CRYGB: variants seen among roughly 807,000 people sequenced by gnomAD.
The protein encoded by CRYGB is gamma-crystallin B.
Under a neutral mutation model 21.3 loss-of-function variants are expected in CRYGB, and 19 were observed. The ratio of observed to expected loss-of-function variants is 0.89; its 90% confidence interval spans 0.62 to 1.31. The LOEUF (loss-of-function observed/expected upper bound fraction) is 1.31, where lower values mean the gene tolerates loss of function less well. Among genes scored for constraint, CRYGB ranks in the 50% most tolerant of loss-of-function variants. The pLI, the probability that CRYGB is intolerant of heterozygous loss-of-function variation, is 0.00. For missense variants in CRYGB, 254 were observed against 228.4 expected, an observed-to-expected ratio of 1.11 and a Z score of -0.72; for synonymous variants, 81 against 81.2, an observed-to-expected ratio of 1.00 and a Z score of 0.01.
chr2:208,143,532 C>T (rs1400570035), intron 2 of CRYGB, among the ~76,000 whole-genome samples: 6 of 52,896 alleles, frequency 1.1e-4, no homozygotes, highest in Admixed American at 4.4e-4. Context: ...GACAGAGTTT[C>T]GCTGTTGTTG....
chr2:208,145,231 T>C (rs565174684), intron 2 of CRYGB, among the ~76,000 whole-genome samples: 1 of 80,888 alleles, frequency 1.2e-5, no homozygotes, highest in South Asian at 4.4e-4. Flanking sequence ...AAGTTTGTTG[T>C]TGTTGTTGTT....
rs781349310 is a variant in CRYGB, at chr2:208,146,098, T to C, written c.9+14A>G. ...ATTAGGGCCAAGGCTGAGCATCCGG[T>C]ACCCAGGACTTACCTTTCCCATTTT... On this transcript the variant is annotated intron_variant, in intron 1 of 2. Transcript: ENST00000260988. 9 of 1,614,096 alleles carry C rather than the reference T, an allele frequency of 5.6e-6. No homozygotes were observed. Among genetic ancestry groups the C allele is most frequent in the East Asian group, 2.2e-5 (1 of 44,904 alleles).
At chr2:208,145,707 A>AAAAAGAAT (rs1695449686) in intron 2 of CRYGB, 67 bp downstream of exon 2, 10 of 1,516,850 alleles carry the variant, frequency 6.6e-6, no homozygotes, top group Non-Finnish European at 8.8e-6. Flanking sequence ...AAAAAAAAAA[A>AAAAAGAAT]AAAAGAATAT....
chr2:208,145,688 CAAAAAA>C (rs554918356), intron 2 of CRYGB, 80 bp downstream of exon 2: 454 of 1,282,396 alleles, frequency 3.5e-4, no homozygotes, highest in East Asian at 7.2e-4. Flanking sequence ...GACTCCGCCT[CAAAAAA>C]AAAAAAAAAA....
chr2:208,146,082 A>G (rs758821979), intron 1 of CRYGB, 30 bp downstream of exon 1: 1 of 1,614,232 alleles, frequency 6.2e-7, no homozygotes, highest in Non-Finnish European at 8.5e-7. Context: ...CATTAGGGCC[A>G]AGGCTGAGCA....
intron 2 of CRYGB, among the ~76,000 whole-genome samples, chr2:208,145,077 A>G (rs1695432222): frequency 6.6e-6 from 1 of 152,172 alleles, no homozygotes; most frequent in Non-Finnish European, 1.5e-5. Flanking sequence ...CTCAAACTTT[A>G]GTTTCAGATT....
rs370785666 is a variant in CRYGB at position 208,145,889 on chromosome 2, T to C, written c.137A>G (p.Tyr46Cys). The change falls in exon 2 of 3, where the codon TAT (tyrosine) becomes TGT (cysteine). Residue 46 changes from tyrosine to cysteine, a missense_variant. Physicochemically the swap from Tyr to Cys is radical, Grantham distance 194. Coordinates refer to ENST00000260988, the MANE Select transcript of CRYGB (RefSeq NM_005210.4). ...IRVESGCWMI[Y>C]ERPNYQGHQY... ...GTGGCCCTGGTAGTTGGGGCGCTCATAGATCATCCAGCAGCCGCTCTCCAC... is the reference window on the plus strand; with the variant it reads ...GTGGCCCTGGTAGTTGGGGCGCTCACAGATCATCCAGCAGCCGCTCTCCAC... 47 of 1,614,024 alleles carry C rather than the reference T, an allele frequency of 2.9e-5. No individual in the cohort carries two copies. In the African/African-American group the frequency reaches 5.6e-4, roughly 19 times the overall value.
At chr2:208,145,716 A>G (rs1574338754) in intron 2 of CRYGB, 58 bp downstream of exon 2, 2 of 1,514,798 alleles carry the variant, frequency 1.3e-6, no homozygotes, top group African/African-American at 1.4e-5. Flanking sequence ...AAAAAAGAAT[A>G]TCATGAAATA....
rs200378287 is a variant in CRYGB, at chr2:208,142,694, A to G, written c.472T>C (p.Trp158Arg). 1 of 1,598,762 alleles carries G rather than the reference A, an allele frequency of 6.3e-7. No individual in the cohort carries two copies. Among genetic ancestry groups the G allele is most frequent in the East Asian group, 2.2e-5 (1 of 44,674 alleles). ...RPGEYRRFLD[W>R]GAPNAKVGSL... is the part of the protein sequence containing the mutation. ...CCAACTTTGGCATTTGGAGCCCCCC[A>G]ATCAAGAAACCTCCTGTACTCCCCC... Residue 158 changes from tryptophan (W) to arginine (R), a missense_variant, in exon 3 of 3, where the codon TGG becomes CGG. By Grantham distance (101) the Trp-to-Arg change is moderately radical (BLOSUM62 -3). Transcript: ENST00000260988.
chr2:208,142,837 C>A lies in CRYGB; in HGVS notation c.329G>T (p.Cys110Phe). The part of the protein sequence containing the change: ...RGQMSELTDD[C>F]ISVQDRFHLT... ...GTGGAAGCGGTCCTGAACAGAGATACAGTCGTCTGTGAGCTCTGACATTTG... is the reference window on the plus strand; with the variant it reads ...GTGGAAGCGGTCCTGAACAGAGATAAAGTCGTCTGTGAGCTCTGACATTTG... The change falls in exon 3 of 3, where the codon TGT (cysteine) becomes TTT (phenylalanine). Residue 110 changes from cysteine to phenylalanine, a missense_variant. By Grantham distance (205) the Cys-to-Phe change is radical. Coordinates refer to ENST00000260988, the MANE Select transcript of CRYGB (RefSeq NM_005210.4). 1 of 1,614,176 alleles carries A rather than the reference C, an allele frequency of 6.2e-7. No individual in the cohort carries two copies.
intron 1 of CRYGB, 37 bp downstream of exon 1, chr2:208,146,075 T>C: frequency 1.9e-6 from 3 of 1,614,156 alleles, no homozygotes; most frequent in Non-Finnish European, 2.5e-6. Context: ...GCCACTGCAT[T>C]AGGGCCAAGG....
chr2:208,144,787 C>T (rs796174879), intron 2 of CRYGB, among the ~76,000 whole-genome samples: 5 of 152,032 alleles, frequency 3.3e-5, no homozygotes, highest in South Asian at 2.1e-4. Flanking sequence ...GAGGGGGTTT[C>T]ACCATATTGG....
At chr2:208,145,698 A>G in intron 2 of CRYGB, 76 bp downstream of exon 2, 1 of 1,471,112 alleles carries the variant, frequency 6.8e-7, no homozygotes, top group Middle Eastern at 2.5e-4. Context: ...CAAAAAAAAA[A>G]AAAAAAAAAA....
At chr2:208,146,078 G>A in intron 1 of CRYGB, 34 bp downstream of exon 1, 1 of 1,614,186 alleles carries the variant, frequency 6.2e-7, no homozygotes. Context: ...ACTGCATTAG[G>A]GCCAAGGCTG....
chr2:208,145,582 A>T (rs1435837592), intron 2 of CRYGB, among the ~76,000 whole-genome samples, 192 bp downstream of exon 2: 2 of 150,142 alleles, frequency 1.3e-5, no homozygotes, highest in East Asian at 4.0e-4. Flanking sequence ...CCAACTACTC[A>T]GGAGGCTGAG....
intron 2 of CRYGB, among the ~76,000 whole-genome samples, chr2:208,144,147 A>T (rs1695411092): frequency 6.6e-6 from 1 of 151,422 alleles, no homozygotes; most frequent in African/African-American, 2.4e-5. Context: ...CAGCCTCCCA[A>T]GTAGCTGGGA....
At chr2:208,145,613 C>G (rs1289733641) in intron 2 of CRYGB, among the ~76,000 whole-genome samples, 161 bp downstream of exon 2, 1 of 143,166 alleles carries the variant, frequency 7.0e-6, no homozygotes, top group Non-Finnish European at 1.5e-5. Flanking sequence ...TGCTTGAACC[C>G]GGGAGGCGGA....
In CRYGB at chr2:208,142,899, G is replaced by A. The variant is rs1695381179; in HGVS notation, c.267C>T (p.Tyr89=). 2 of 1,605,370 alleles carry A rather than the reference G, an allele frequency of 1.2e-6. No individual in the cohort carries two copies. The highest frequency in any genetic ancestry group is 1.1e-5 in the South Asian group (1 of 89,506). ...CCLIPPHSGA[Y]RMKIYDRDEL... ...CATCTCTGTCGTAGATCTTCATTCT[G>A]TAAGCGCCAGAGTGCTGGAGTGGCA... The change falls in exon 3 of 3, where the codon TAC becomes TAT. Residue 89 remains tyrosine, a synonymous_variant. Transcript: ENST00000260988.
Position 208,142,600 on chromosome 2 carries a change from T to G in CRYGB, c.*38A>C. 6.9e-7 allele frequency: 1 copy of G among 1,449,812 alleles called. No individual in the cohort carries two copies. Among genetic ancestry groups the G allele is most frequent in the Non-Finnish European group, 9.1e-7 (1 of 1,099,792 alleles). 89.8% of individuals were successfully genotyped at this position (1,449,812 alleles called of 1,614,324 possible). The stretch of plus-strand genomic sequence containing the variant: ...CCAGAAACACAAGCTAAATATTTTA[T>G]TAGATTTTAAAGGAGAAAAGTGGAA... On this transcript the variant is annotated 3_prime_UTR_variant, in exon 3 of 3. Coordinates refer to ENST00000260988, the MANE Select transcript of CRYGB (RefSeq NM_005210.4).
Sources: gnomAD v4.1 joint callset for allele counts (sites outside exome capture counted in the v4.1 genomes callset) on GRCh38, gnomAD v4.1.1 for gene constraint, MANE v1.5 for transcripts, NCBI Gene and HGNC (gene_info 2026-07-23, HGNC 2026-07-21) for gene names.